The following FAM234B variants were observed in gnomAD, a reference collection of about 807,000 sequenced individuals.
The protein encoded by FAM234B is family with sequence similarity 234 member B, also known as protein FAM234B.
Under a neutral mutation model 69.3 loss-of-function variants are expected in FAM234B, and 33 were observed. That is an observed-to-expected ratio of 0.48 (90% CI 0.36 to 0.64). The LOEUF (loss-of-function observed/expected upper bound fraction) is 0.64, where lower values mean the gene tolerates loss of function less well. FAM234B is among the 30% of genes least tolerant of loss of function. The pLI is 0.00. For missense variants in FAM234B, 697 were observed against 769.7 expected (o/e 0.91, Z 1.12); for synonymous variants, 306 against 306.9 (o/e 1.00, Z 0.03).
At chr12:13,056,037 A>G in intron 2 of FAM234B, 91 bp downstream of exon 2, 1 of 1,330,280 alleles carries the variant, frequency 7.5e-7, no homozygotes, top group Non-Finnish European at 9.9e-7. Context: ...AAAACTTAAT[A>G]TGTGTCATGC....
At position 13,079,980 on chromosome 12, in the gene FAM234B, A is replaced by G. The variant is rs754994891; in HGVS notation, c.1834A>G (p.Arg612Gly). The G allele has an allele frequency of 4.4e-6, 7 of 1,608,518 alleles. No homozygotes were observed. The highest frequency in any genetic ancestry group is 4.2e-6 in the Non-Finnish European group (5 of 1,177,004). ...TGGGGAGCTGCGAAGATTTCTCTCTAGGATAAAGTTTGTTGAAGCTCCCTA... is the reference window on the plus strand; with the variant it reads ...TGGGGAGCTGCGAAGATTTCTCTCTGGGATAAAGTTTGTTGAAGCTCCCTA... ...GRGELRRFLS[R>G]IKFVEAPYEI The change falls in exon 12 of 13, where the codon AGG (arginine) becomes GGG (glycine). Residue 612 changes from arginine (R) to glycine (G), a missense_variant. Around this residue, in one of 3 missense-constraint regions of FAM234B, gnomAD observed 313 missense variants for 305.5 expected, o/e 1.02. Coordinates refer to ENST00000197268, the MANE Select transcript of FAM234B (RefSeq NM_020853.2).
chr12:13,080,868 C>T lies in FAM234B; in HGVS notation c.*238C>T, dbSNP rs939883110. 16 of 432,888 alleles carry T rather than the reference C, an allele frequency of 3.7e-5. No individual in the cohort carries two copies. The highest frequency in any genetic ancestry group is 6.6e-5 in the South Asian group (1 of 15,122). The allele number at this position is 432,888 out of a possible 1,614,324, so 26.8% of individuals were successfully genotyped here. Reference sequence around the variant, plus strand: ...GCATTAATCCCCTCTAGGAACTCTGCGTGGATCGTTTGGAAATGTGAATCT... The same window carrying T: ...GCATTAATCCCCTCTAGGAACTCTGTGTGGATCGTTTGGAAATGTGAATCT... On this transcript the variant is annotated 3_prime_UTR_variant, in exon 13 of 13. Transcript: ENST00000197268.
intron 3 of FAM234B, 70 bp from the exon 4 acceptor site, chr12:13,061,505 C>A: frequency 7.3e-7 from 1 of 1,372,930 alleles, no homozygotes; most frequent in Non-Finnish European, 1.0e-6. Context: ...GTTTTCTGGC[C>A]TCTTGTTCAT....
intron 6 of FAM234B, 169 bp from the exon 7 acceptor site, chr12:13,066,986 C>G: frequency 1.1e-6 from 1 of 937,742 alleles, no homozygotes. Flanking sequence ...GAAGGGAAGA[C>G]TCTTGTCCAG....
chr12:13,073,438 G>T (rs151333913), intron 10 of FAM234B, among the ~76,000 whole-genome samples: 3 of 152,230 alleles, frequency 2.0e-5, no homozygotes, highest in Non-Finnish European at 2.9e-5. Flanking sequence ...AAAATGCCTT[G>T]GGCATCCCTC....
At chr12:13,072,330 C>T (rs919475826) in intron 10 of FAM234B, among the ~76,000 whole-genome samples, 2 of 152,234 alleles carry the variant, frequency 1.3e-5, no homozygotes, top group Non-Finnish European at 2.9e-5. Context: ...CTAACTCTGA[C>T]ATGGCCTAAC....
At position 13,068,206 on chromosome 12, in the gene FAM234B, T is replaced by C. The variant is rs1391473830; in HGVS notation, c.1143-98T>C. On this transcript the variant is annotated intron_variant, in intron 7 of 12. Transcript: ENST00000197268. Reference sequence around the variant, plus strand: ...ATGGTGGGGCATGAATACAAGAGTGTGTACAGGTGTACGTATACTGAGAGA... The same window carrying C: ...ATGGTGGGGCATGAATACAAGAGTGCGTACAGGTGTACGTATACTGAGAGA... The C allele has an allele frequency of 4.4e-6, 5 of 1,147,724 alleles. No individual in the cohort carries two copies. The Admixed American group carries it at 7.2e-5, about 17-fold the overall frequency. The allele number at this position is 1,147,724 out of a possible 1,614,324, so 71.1% of individuals were successfully genotyped here. A position where few individuals can be genotyped will look rare whatever the true frequency, so the allele number is the denominator to read the frequency against.
At chr12:13,074,069 AG>A (rs1428151989) in intron 10 of FAM234B, among the ~76,000 whole-genome samples, 1 of 152,182 alleles carries the variant, frequency 6.6e-6, no homozygotes, top group Non-Finnish European at 1.5e-5. Context: ...TTACTTTGAT[AG>A]GGGCTGTTTT....
intron 1 of FAM234B, among the ~76,000 whole-genome samples, chr12:13,048,478 T>C (rs973742800): frequency 4.6e-5 from 7 of 152,218 alleles, no homozygotes; most frequent in Non-Finnish European, 7.3e-5. Flanking sequence ...TTTTGGCAAC[T>C]CTTTAAAATA....
rs541164179 is a variant in FAM234B, at chr12:13,062,941, G to C, written c.818G>C (p.Arg273Pro). ...CCAGACTTGGATGAAGACGGTGTTC[G>C]AGACCTTGTGGTTCTGGCCATTGGG... The part of the protein sequence containing the change: ...VLPDLDEDGV[R>P]DLVVLAIGEL... Residue 273 changes from arginine to proline, a missense_variant, in exon 5 of 13, where the codon CGA (arginine) becomes CCA (proline). Arg to Pro is a moderately radical substitution (Grantham distance 103). Around this residue, in one of 3 missense-constraint regions of FAM234B, gnomAD observed 380 missense variants for 447.1 expected, o/e 0.85. Transcript: ENST00000197268. The C allele has an allele frequency of 6.2e-7, 1 of 1,614,040 alleles. No homozygotes were observed. Among genetic ancestry groups the C allele is most frequent in the Admixed American group, 1.7e-5 (1 of 60,028 alleles).
intron 4 of FAM234B, 75 bp downstream of exon 4, chr12:13,061,838 G>C (rs1864986702): frequency 7.5e-7 from 1 of 1,335,648 alleles, no homozygotes; most frequent in East Asian, 2.4e-5. Flanking sequence ...TGTTGGGTAG[G>C]GGACCTTTTG....
At chr12:13,048,048 C>T (rs549738174) in intron 1 of FAM234B, among the ~76,000 whole-genome samples, 2 of 152,120 alleles carry the variant, frequency 1.3e-5, no homozygotes, top group South Asian at 4.2e-4. Context: ...AGTATTTATT[C>T]CTCTCAAAAG....
At position 13,055,898 on chromosome 12, in the gene FAM234B, C is replaced by T. The variant is rs774202375; in HGVS notation, c.385C>T (p.Pro129Ser). 4 of 1,609,540 alleles carry T rather than the reference C, an allele frequency of 2.5e-6. No individual in the cohort carries two copies. The highest frequency in any genetic ancestry group is 3.4e-6 in the Non-Finnish European group (4 of 1,177,994). ...GTGTGCTTTCCTGATCCCCTGTCCT[C>T]CCAGAGATCTGCACAGCACCTGGAG... ...LLCAFLIPCP[P>S]RDLHSTWSRH... The change falls in exon 2 of 13, where the codon CCC becomes TCC. Residue 129 changes from proline (P) to serine (S), a missense_variant. Physicochemically the swap from Pro to Ser is moderately conservative, Grantham distance 74. Coordinates refer to ENST00000197268, the MANE Select transcript of FAM234B (RefSeq NM_020853.2).
In FAM234B at chr12:13,061,560, CT is replaced by C; in HGVS notation, c.533-13del. On this transcript the variant is annotated splice_polypyrimidine_tract_variant and intron_variant, in intron 3 of 12. Transcript: ENST00000197268. The stretch of plus-strand genomic sequence containing the variant: ...TGCCTGCTTTCCTTTTTTTATCTCT[CT>C]TGTGTGCTTTTAGGTGTCTCAAGAC... 1 of 1,600,730 alleles carries C rather than the reference CT, an allele frequency of 6.2e-7. No individual in the cohort carries two copies. Among genetic ancestry groups the C allele is most frequent in the Non-Finnish European group, 8.5e-7 (1 of 1,171,830 alleles).
intron 1 of FAM234B, among the ~76,000 whole-genome samples, chr12:13,054,622 A>G (rs759119882): frequency 2.0e-5 from 3 of 152,218 alleles, no homozygotes; most frequent in Non-Finnish European, 1.5e-5. Flanking sequence ...TAGAGTTTAC[A>G]TTAGTGATAG....
chr12:13,068,826 C>T (rs941614503), intron 9 of FAM234B, 115 bp downstream of exon 9: 17 of 650,450 alleles, frequency 2.6e-5, no homozygotes. Flanking sequence ...TCTCTAACTT[C>T]AAAGAACTCA....
At chr12:13,065,540 A>T (rs1461655732) in intron 5 of FAM234B, among the ~76,000 whole-genome samples, 1 of 152,250 alleles carries the variant, frequency 6.6e-6, no homozygotes, top group Non-Finnish European at 1.5e-5. Context: ...TTCTGTTTGT[A>T]ATCAGCTAAA....
intron 3 of FAM234B, among the ~76,000 whole-genome samples, chr12:13,060,968 G>A (rs975470098): frequency 1.3e-5 from 2 of 152,112 alleles, no homozygotes; most frequent in Non-Finnish European, 2.9e-5. Context: ...GAGAACTCTA[G>A]ACTAGCAAGA....
chr12:13,066,504 G>C, intron 5 of FAM234B, 136 bp from the exon 6 acceptor site: 1 of 913,484 alleles, frequency 1.1e-6, no homozygotes, highest in Non-Finnish European at 1.6e-6. Context: ...AAGCAGGTTT[G>C]GCTTTGTGCT....
Sources: gnomAD v4.1 joint callset for allele counts (sites outside exome capture counted in the v4.1 genomes callset) on GRCh38, gnomAD v4.1.1 for gene constraint, gnomAD v4.1.1 regional missense constraint, MANE v1.5 for transcripts, NCBI Gene and HGNC (gene_info 2026-07-23, HGNC 2026-07-21) for gene names.